The following ARHGEF28 variants were observed in gnomAD, a reference collection of about 807,000 sequenced individuals.
The protein encoded by ARHGEF28 is 190 kDa guanine nucleotide exchange factor.
A neutral mutation model predicts 206.6 loss-of-function variants in ARHGEF28; 152 were observed. That is an observed-to-expected ratio of 0.74 (90% CI 0.64 to 0.84). ARHGEF28 has a LOEUF of 0.84. ARHGEF28 is among the 40% of genes least tolerant of loss of function. The probability of loss-of-function intolerance (pLI) is 0.00; values close to 1 mark genes in which losing one functional copy is unlikely to be tolerated. For synonymous variants in ARHGEF28, 763 were observed against 776.4 expected (o/e 0.98, Z 0.29); for missense variants, 2,028 against 2,073.2 (o/e 0.98, Z 0.42).
At chr5:73,785,005 A>G (rs958958572) in intron 7 of ARHGEF28, among the ~76,000 whole-genome samples, 2 of 152,200 alleles carry the variant, frequency 1.3e-5, no homozygotes, top group Non-Finnish European at 2.9e-5. Flanking sequence ...GAAATAATTC[A>G]CTTTCCTGGT....
intron 9 of ARHGEF28, among the ~76,000 whole-genome samples, chr5:73,795,847 C>T (rs1232050218): frequency 1.3e-5 from 2 of 150,848 alleles, no homozygotes; most frequent in African/African-American, 4.9e-5. Flanking sequence ...TGGAGCTGAG[C>T]CTATGTGATC....
intron 1 of ARHGEF28, among the ~76,000 whole-genome samples, chr5:73,665,498 G>A (rs1180686671): frequency 2.6e-5 from 4 of 152,056 alleles, no homozygotes; most frequent in African/African-American, 9.7e-5. Context: ...ACTTGTTTTT[G>A]TCTTAGTCTG....
intron 22 of ARHGEF28, among the ~76,000 whole-genome samples, chr5:73,875,895 C>T (rs1359054545): frequency 6.6e-5 from 10 of 152,140 alleles, no homozygotes; most frequent in South Asian, 2.1e-4. Context: ...ATTGACTTGG[C>T]GATGCGGGCT....
intron 1 of ARHGEF28, among the ~76,000 whole-genome samples, chr5:73,653,697 G>A (rs1019142149): frequency 6.6e-6 from 1 of 152,172 alleles, no homozygotes; most frequent in Non-Finnish European, 1.5e-5. Flanking sequence ...GCCCCTATCT[G>A]TCCTTCCCTT....
intron 35 of ARHGEF28, among the ~76,000 whole-genome samples, chr5:73,932,153 A>G (rs1421574072): frequency 6.6e-6 from 1 of 152,232 alleles, no homozygotes; most frequent in Non-Finnish European, 1.5e-5. Flanking sequence ...GTTGGAAATA[A>G]CAGAGAAACT....
At chr5:73,693,326 T>C (rs539907874) in intron 2 of ARHGEF28, among the ~76,000 whole-genome samples, 44 of 152,290 alleles carry the variant, frequency 2.9e-4, no homozygotes, top group Non-Finnish European at 5.9e-4. Flanking sequence ...ATGGGGCTCC[T>C]TCATGGACCT....
At chr5:73,774,545 C>A (rs911785924) in intron 5 of ARHGEF28, among the ~76,000 whole-genome samples, 2 of 152,076 alleles carry the variant, frequency 1.3e-5, no homozygotes, top group Non-Finnish European at 2.9e-5. Flanking sequence ...TTTTTTGAAT[C>A]AATGAATAAC....
At chr5:73,776,140 C>G (rs1452782958) in intron 5 of ARHGEF28, among the ~76,000 whole-genome samples, 1 of 152,204 alleles carries the variant, frequency 6.6e-6, no homozygotes, top group Non-Finnish European at 1.5e-5. Flanking sequence ...TAATAAACCA[C>G]TGGCTGCCAG....
chr5:73,681,889 C>T (rs2112242241), intron 1 of ARHGEF28, among the ~76,000 whole-genome samples: 1 of 152,140 alleles, frequency 6.6e-6, no homozygotes, highest in Admixed American at 6.5e-5. Context: ...CACTTGAGGC[C>T]AGGGGTTTGA....
chr5:73,705,302 C>T (rs1208071391), intron 2 of ARHGEF28, among the ~76,000 whole-genome samples: 3 of 152,200 alleles, frequency 2.0e-5, no homozygotes, highest in Admixed American at 6.5e-5. Flanking sequence ...ACTTCACTGC[C>T]ACCTCTTTGC....
At chr5:73,842,041 T>C (rs1226049777) in intron 11 of ARHGEF28, among the ~76,000 whole-genome samples, 1 of 152,242 alleles carries the variant, frequency 6.6e-6, no homozygotes, top group Non-Finnish European at 1.5e-5. Context: ...TGATTACATA[T>C]ATTAGTGTGT....
At chr5:73,765,015 TTCA>T (rs148892086) in intron 4 of ARHGEF28, among the ~76,000 whole-genome samples, 1,649 of 152,372 alleles carry the variant, frequency 0.011, 35 homozygotes, top group African/African-American at 0.037. Flanking sequence ...GTACTTTTTG[TTCA>T]TCATTTTTGG....
chr5:73,800,803 C>T (rs377591888), intron 9 of ARHGEF28, among the ~76,000 whole-genome samples: 1 of 152,090 alleles, frequency 6.6e-6, no homozygotes, highest in Non-Finnish European at 1.5e-5. Context: ...CTCCCCACCC[C>T]GAAAGTCCCC....
intron 1 of ARHGEF28, among the ~76,000 whole-genome samples, chr5:73,650,619 C>T (rs1744753076): frequency 6.6e-6 from 1 of 151,910 alleles, no homozygotes; most frequent in African/African-American, 2.4e-5. Context: ...TACCTGTATA[C>T]ATAGGCTTCT....
chr5:73,734,237 G>T (rs1750780155), intron 2 of ARHGEF28, among the ~76,000 whole-genome samples: 1 of 152,154 alleles, frequency 6.6e-6, no homozygotes, highest in South Asian at 2.1e-4. Flanking sequence ...GAAAAGAGAA[G>T]AATAGGGAGG....
intron 2 of ARHGEF28, among the ~76,000 whole-genome samples, chr5:73,710,625 G>A (rs185102054): frequency 6.6e-6 from 1 of 152,214 alleles, no homozygotes; most frequent in Non-Finnish European, 1.5e-5. Flanking sequence ...CTAAACTCAA[G>A]GTCATGCAGA....
chr5:73,679,677 T>C (rs1746944263), intron 1 of ARHGEF28, among the ~76,000 whole-genome samples: 1 of 152,182 alleles, frequency 6.6e-6, no homozygotes, highest in African/African-American at 2.4e-5. Flanking sequence ...CACTTTTTTT[T>C]CTGAAATGGC....
chr5:73,700,820 A>G (rs887089750), intron 2 of ARHGEF28, among the ~76,000 whole-genome samples: 1 of 152,220 alleles, frequency 6.6e-6, no homozygotes, highest in Non-Finnish European at 1.5e-5. Context: ...TTAAAAAAAT[A>G]AAGTCACCAT....
At chr5:73,658,877 T>C (rs945142363) in intron 1 of ARHGEF28, among the ~76,000 whole-genome samples, 1 of 151,982 alleles carries the variant, frequency 6.6e-6, no homozygotes, top group African/African-American at 2.4e-5. Flanking sequence ...CTCTGTACAT[T>C]CTCATCTGAA....
Sources: allele counts gnomAD v4.1 joint callset (sites outside exome capture counted in the v4.1 genomes callset), GRCh38; gene constraint gnomAD v4.1.1; transcripts MANE v1.5; gene names NCBI Gene and HGNC (gene_info 2026-07-23, HGNC 2026-07-21).